The following ARHGAP32 variants were observed in gnomAD, a reference collection of about 807,000 sequenced individuals.
ARHGAP32 encodes the protein Rho GTPase activating protein 32, also known as rho GTPase-activating protein 32.
ARHGAP32 carries 51 observed loss-of-function variants against 186.5 expected under a neutral mutation model. The observed-to-expected ratio is 0.27, with a 90% confidence interval of 0.22 to 0.35. The LOEUF is 0.35. ARHGAP32 is among the 10% of genes least tolerant of loss of function. The pLI is 1.00. For synonymous variants in ARHGAP32, 950 were observed against 964.3 expected, an observed-to-expected ratio of 0.99 and a Z score of 0.27; for missense variants, 2,186 against 2,623.5, an observed-to-expected ratio of 0.83 and a Z score of 3.64.
chr11:129,062,101 C>G (rs1940524406), intron 10 of ARHGAP32, among the ~76,000 whole-genome samples, 179 bp downstream of exon 10: 1 of 152,124 alleles, frequency 6.6e-6, no homozygotes, highest in African/African-American at 2.4e-5. Flanking sequence ...AAGAAACAAC[C>G]AAAATAGTAA....
chr11:129,064,443 A>T (rs1042622216), intron 8 of ARHGAP32, among the ~76,000 whole-genome samples: 3 of 152,136 alleles, frequency 2.0e-5, no homozygotes, highest in Admixed American at 2.0e-4. Flanking sequence ...ATAAATATGT[A>T]ATCTATTTAC....
intron 1 of ARHGAP32, among the ~76,000 whole-genome samples, chr11:129,214,748 C>T (rs1944624356): frequency 6.6e-6 from 1 of 152,220 alleles, no homozygotes; most frequent in Non-Finnish European, 1.5e-5. Context: ...CGCGTGACTT[C>T]ATCTGACAAG....
At chr11:129,088,732 A>G (rs941349888) in intron 6 of ARHGAP32, among the ~76,000 whole-genome samples, 2 of 152,066 alleles carry the variant, frequency 1.3e-5, no homozygotes, top group Non-Finnish European at 2.9e-5. Flanking sequence ...TTAATTTGCT[A>G]ATTTTTCATC....
At chr11:129,055,608 G>A (rs1482419493) in intron 10 of ARHGAP32, among the ~76,000 whole-genome samples, 1 of 152,136 alleles carries the variant, frequency 6.6e-6, no homozygotes, top group Non-Finnish European at 1.5e-5. Context: ...GATTCAAAAA[G>A]AAGCTATCAA....
intron 1 of ARHGAP32, among the ~76,000 whole-genome samples, chr11:129,186,367 C>T (rs948325251): frequency 2.0e-5 from 3 of 152,124 alleles, no homozygotes; most frequent in East Asian, 1.9e-4. Context: ...GCATGCCTCA[C>T]GGTTAAGACA....
intron 5 of ARHGAP32, among the ~76,000 whole-genome samples, chr11:129,094,549 C>T (rs1010508733): frequency 1.1e-4 from 16 of 152,162 alleles, no homozygotes; most frequent in South Asian, 2.1e-4. Context: ...CATTCTCACA[C>T]GGGCAACAAC....
intron 1 of ARHGAP32, among the ~76,000 whole-genome samples, chr11:129,208,080 C>T (rs181998501): frequency 6.0e-4 from 92 of 152,218 alleles, no homozygotes; most frequent in African/African-American, 2.2e-3. Context: ...CTGATTCATT[C>T]CTACCGTTTT....
chr11:129,233,864 T>C (rs1944890553), intron 1 of ARHGAP32, among the ~76,000 whole-genome samples: 1 of 152,070 alleles, frequency 6.6e-6, no homozygotes, highest in Admixed American at 6.6e-5. Context: ...CAATATACAG[T>C]TTTAATATTT....
intron 12 of ARHGAP32, among the ~76,000 whole-genome samples, chr11:128,991,869 ATTT>A (rs201705654): frequency 6.6e-6 from 1 of 151,498 alleles, no homozygotes; most frequent in Non-Finnish European, 1.5e-5. Flanking sequence ...TTGATCTTTG[ATTT>A]TTTTTTCTTG....
At chr11:129,229,983 T>A (rs964312622) in intron 1 of ARHGAP32, among the ~76,000 whole-genome samples, 1 of 151,998 alleles carries the variant, frequency 6.6e-6, no homozygotes, top group African/African-American at 2.4e-5. Flanking sequence ...CCTGGCTAAT[T>A]TTTGTAATTT....
chr11:129,205,474 AT>A (rs1944504304), intron 1 of ARHGAP32, among the ~76,000 whole-genome samples: 1 of 152,126 alleles, frequency 6.6e-6, no homozygotes, highest in African/African-American at 2.4e-5. Context: ...ATAATGCTGG[AT>A]TTTTAAATTT....
chr11:129,080,978 T>G (rs1941202961), intron 6 of ARHGAP32, among the ~76,000 whole-genome samples: 1 of 152,054 alleles, frequency 6.6e-6, no homozygotes, highest in Admixed American at 6.6e-5. Context: ...TGAACTACTT[T>G]AAATGTGCAT....
rs769097420 is a variant in ARHGAP32 at position 128,968,953 on chromosome 11, G to A, written c.6260C>T (p.Ala2087Val). The A allele has an allele frequency of 1.3e-6, 2 of 1,562,686 alleles. No individual in the cohort carries two copies. Among genetic ancestry groups the A allele is most frequent in the Non-Finnish European group, 1.7e-6 (2 of 1,149,822 alleles). Residue 2087 changes from alanine (A) to valine (V), a missense_variant, in exon 23 of 23, where the codon GCA (alanine) becomes GTA (valine). Around this residue, in one of 5 missense-constraint regions of ARHGAP32, gnomAD observed 1,502 missense variants for 1,570.0 expected, o/e 0.96. Transcript: ENST00000682385. ...TTCAGGATGCTGCAAGGACAACTCT[G>A]CGGGCAGGAAGGCCCCTTGACCCAA... ...TALGQGAFLP[A>V]ELSLQHPETQ...
At chr11:129,134,890 T>C (rs1942900943) in intron 2 of ARHGAP32, among the ~76,000 whole-genome samples, 3 of 152,204 alleles carry the variant, frequency 2.0e-5, no homozygotes. Context: ...AGACACTGAA[T>C]CTGCTGGATT....
In ARHGAP32 at chr11:128,980,661, G is replaced by C. The variant is rs1426083895; in HGVS notation, c.1868C>G (p.Ala623Gly). 1 of 1,613,904 alleles carries C rather than the reference G, an allele frequency of 6.2e-7. No homozygotes were observed. Among genetic ancestry groups the C allele is most frequent in the Non-Finnish European group, 8.5e-7 (1 of 1,179,920 alleles). ...CGTCACAATTGGAGAATTGACCTGAGCTTGTGTTCGTGCCTGGGCCTCTTC... is the reference window on the plus strand; with the variant it reads ...CGTCACAATTGGAGAATTGACCTGACCTTGTGTTCGTGCCTGGGCCTCTTC... ...TLEEAQARTQ[A>G]QVNSPIVTEN... The change falls in exon 18 of 23, where the codon GCT becomes GGT. Residue 623 changes from alanine (A) to glycine (G), a missense_variant. By Grantham distance (60) the Ala-to-Gly change is moderately conservative (BLOSUM62 0). Around this residue, in one of 5 missense-constraint regions of ARHGAP32, gnomAD observed 263 missense variants for 323.5 expected, o/e 0.81. Coordinates refer to ENST00000682385, the MANE Select transcript of ARHGAP32 (RefSeq NM_001378024.1).
chr11:129,252,932 T>C (rs1403710180), intron 1 of ARHGAP32, among the ~76,000 whole-genome samples: 1 of 152,162 alleles, frequency 6.6e-6, no homozygotes, highest in Non-Finnish European at 1.5e-5. Flanking sequence ...TGCATCTTAG[T>C]AGTTATTCTG....
chr11:129,171,039 T>C (rs1466943311), intron 1 of ARHGAP32, among the ~76,000 whole-genome samples: 1 of 152,228 alleles, frequency 6.6e-6, no homozygotes, highest in African/African-American at 2.4e-5. Context: ...TGTAAATATG[T>C]TCGAAGTTCC....
intron 2 of ARHGAP32, among the ~76,000 whole-genome samples, chr11:129,141,070 C>A (rs1440817697): frequency 2.0e-5 from 3 of 152,142 alleles, no homozygotes; most frequent in Non-Finnish European, 4.4e-5. Context: ...CACTGCACAG[C>A]ACCTTAATAA....
At chr11:129,219,121 A>G (rs755983586) in intron 1 of ARHGAP32, among the ~76,000 whole-genome samples, 4 of 152,172 alleles carry the variant, frequency 2.6e-5, no homozygotes, top group African/African-American at 4.8e-5. Flanking sequence ...TTAGATTTCA[A>G]CCTCAGATTA....
Sources: allele counts gnomAD v4.1 joint callset (sites outside exome capture counted in the v4.1 genomes callset), GRCh38; gene constraint gnomAD v4.1.1; regional missense constraint gnomAD v4.1.1; transcripts MANE v1.5; gene names NCBI Gene and HGNC (gene_info 2026-07-23, HGNC 2026-07-21).